Variants in MOB2 observed in about 807,000 individuals in gnomAD.
MOB2 encodes MOB kinase activator 2, also known as MOB2 Mps One Binder homolog.
In MOB2, 14 loss-of-function variants were observed where a neutral mutation model predicts 27.4. The ratio of observed to expected loss-of-function variants is 0.51; its 90% CI spans 0.34 to 0.80. The LOEUF is 0.80. Ranked by LOEUF, MOB2 falls within the 30% of genes least tolerant of loss-of-function variation. MOB2 has a pLI of 0.01. For synonymous variants in MOB2, 167 were observed against 151.8 expected, an observed-to-expected ratio of 1.10 and a Z score of -0.74; for missense variants, 304 against 354.6, an observed-to-expected ratio of 0.86 and a Z score of 1.15.
At chr11:1,480,979 G>A in intron 1 of MOB2, 94 bp from the exon 2 acceptor site, 2 of 1,453,822 alleles carry the variant, frequency 1.4e-6, no homozygotes, top group Non-Finnish European at 1.9e-6. Context: ...GGTGTAGAGG[G>A]AGCTGCCCGA....
At chr11:1,478,155 CGCCGCCAGGCCCCACA>C (rs1847872410) in intron 3 of MOB2, among the ~76,000 whole-genome samples, 1 of 152,112 alleles carries the variant, frequency 6.6e-6, no homozygotes, top group Admixed American at 6.5e-5. Flanking sequence ...ACAGCCCCAC[CGCCGCCAGGCCCCACA>C]GCCGCCACAG....
intron 3 of MOB2, chr11:1,471,932 G>T (rs1847797598): frequency 6.5e-6 from 1 of 153,340 alleles, no homozygotes; most frequent in Non-Finnish European, 1.5e-5. Flanking sequence ...GGTGGTCTCT[G>T]TGGGTACCTG....
intron 1 of MOB2, among the ~76,000 whole-genome samples, chr11:1,484,935 A>G (rs1020773033): frequency 6.6e-6 from 1 of 152,166 alleles, no homozygotes; most frequent in African/African-American, 2.4e-5. Flanking sequence ...CCCCAGACAA[A>G]GCGAGCTTTT....
At chr11:1,482,933 GC>G (rs893334725) in intron 1 of MOB2, among the ~76,000 whole-genome samples, 1 of 152,064 alleles carries the variant, frequency 6.6e-6, no homozygotes, top group African/African-American at 2.4e-5. Flanking sequence ...CTCAGCGAAG[GC>G]CCAGGCCTGG....
At chr11:1,485,930 G>A (rs1011589047) in intron 1 of MOB2, among the ~76,000 whole-genome samples, 1 of 152,226 alleles carries the variant, frequency 6.6e-6, no homozygotes, top group Non-Finnish European at 1.5e-5. Flanking sequence ...ATAGGCACCC[G>A]GGAACCCCAT....
At chr11:1,471,154 T>C in intron 4 of MOB2, 141 bp downstream of exon 4, 1 of 1,224,476 alleles carries the variant, frequency 8.2e-7, no homozygotes. Context: ...GGCTCCATGC[T>C]AAGCAGGGAC....
intron 1 of MOB2, 100 bp downstream of exon 1, chr11:1,486,347 C>G (rs1252125337): frequency 2.2e-6 from 2 of 898,458 alleles, no homozygotes; most frequent in Non-Finnish European, 1.7e-6. Flanking sequence ...GCCACGGACA[C>G]AGTCCGCCGC....
chr11:1,486,610 AG>A lies in MOB2; in HGVS notation c.-55del. ...AAGCGGGGCGGGGTGCCGGCTGGCC[AG>A]CACTCGCAAATGCCTGCTGCCGGGC... is the stretch of plus-strand genomic sequence containing the variant. On this transcript the variant is annotated 5_prime_UTR_variant, in exon 1 of 5. Transcript: ENST00000329957. 7.8e-7 allele frequency: 1 copy of A among 1,277,654 alleles called. No individual in the cohort carries two copies. The highest frequency in any genetic ancestry group is 1.1e-6 in the Non-Finnish European group (1 of 915,996). 79.1% of individuals were successfully genotyped at this position (1,277,654 alleles called of 1,614,324 possible). A position where few individuals can be genotyped will look rare whatever the true frequency, so the allele number is the denominator to read the frequency against.
chr11:1,484,663 C>T (rs569586078), intron 1 of MOB2, among the ~76,000 whole-genome samples: 55 of 152,240 alleles, frequency 3.6e-4, no homozygotes, highest in Admixed American at 7.2e-4. Context: ...CCCACCCCTA[C>T]ATTTCTGATG....
intron 4 of MOB2, among the ~76,000 whole-genome samples, chr11:1,470,719 G>A (rs544254172): frequency 4.6e-5 from 7 of 152,220 alleles, no homozygotes; most frequent in Non-Finnish European, 7.3e-5. Context: ...CTCAGGCTCC[G>A]GAGGCTGCAC....
intron 3 of MOB2, among the ~76,000 whole-genome samples, chr11:1,478,269 A>T (rs890528228): frequency 6.6e-6 from 1 of 152,370 alleles, no homozygotes; most frequent in East Asian, 1.9e-4. Context: ...CTGCACAGGC[A>T]CTGCCGGACA....
chr11:1,481,072 C>T, intron 1 of MOB2, 187 bp from the exon 2 acceptor site: 1 of 730,870 alleles, frequency 1.4e-6, no homozygotes, highest in Non-Finnish European at 2.3e-6. Context: ...CGCAGAGGGG[C>T]CAGTGGAGCT....
In MOB2 at chr11:1,469,906, A is replaced by C. The variant is rs1270729655; in HGVS notation, c.*266T>G. On this transcript the variant is annotated 3_prime_UTR_variant, in exon 5 of 5. Transcript: ENST00000329957. ...GAAAACCCCACAGAAGAAAACTCAA[A>C]GCATCAGTCCCATGCGTGTCTGCTG... 2 of 786,912 alleles carry C rather than the reference A, an allele frequency of 2.5e-6. No homozygotes were observed. Among genetic ancestry groups the C allele is most frequent in the African/African-American group, 3.4e-5 (2 of 58,850 alleles). 48.7% of individuals were successfully genotyped at this position (786,912 alleles called of 1,614,324 possible).
chr11:1,483,023 G>A (rs996445311), intron 1 of MOB2, among the ~76,000 whole-genome samples: 1 of 152,234 alleles, frequency 6.6e-6, no homozygotes, highest in Non-Finnish European at 1.5e-5. Context: ...CAGAGCACAC[G>A]ACACCTCCAT....
At chr11:1,480,537 C>A in intron 2 of MOB2, 51 bp from the exon 3 acceptor site, 1 of 1,583,374 alleles carries the variant, frequency 6.3e-7, no homozygotes, top group Non-Finnish European at 8.7e-7. Context: ...AGCTGAGCCG[C>A]CCCGTCCACC....
intron 1 of MOB2, among the ~76,000 whole-genome samples, chr11:1,482,548 C>T (rs1022944558): frequency 6.6e-6 from 1 of 152,220 alleles, no homozygotes; most frequent in Non-Finnish European, 1.5e-5. Flanking sequence ...TGCCTCTTCC[C>T]GTCCACACCT....
intron 1 of MOB2, chr11:1,481,195 AG>A (rs1847910356): frequency 2.1e-6 from 1 of 481,276 alleles, no homozygotes; most frequent in African/African-American, 2.0e-5. Flanking sequence ...GGAGGGGCCC[AG>A]GGTTTAGGGC....
chr11:1,484,629 C>T (rs1003679873), intron 1 of MOB2, among the ~76,000 whole-genome samples: 3 of 152,162 alleles, frequency 2.0e-5, no homozygotes, highest in African/African-American at 7.2e-5. Context: ...GAGGGCACCA[C>T]ATGCTGGGGT....
At chr11:1,485,837 C>T (rs867876924) in intron 1 of MOB2, among the ~76,000 whole-genome samples, 18 of 152,332 alleles carry the variant, frequency 1.2e-4, no homozygotes, top group South Asian at 4.1e-4. Context: ...GAGGCACCCC[C>T]GCAGCAGGTC....
Sources: allele counts gnomAD v4.1 joint callset (sites outside exome capture counted in the v4.1 genomes callset), GRCh38; gene constraint gnomAD v4.1.1; transcripts MANE v1.5; gene names NCBI Gene and HGNC (gene_info 2026-07-23, HGNC 2026-07-21).